NEMP1: variants seen among roughly 807,000 people sequenced by gnomAD.
The protein encoded by NEMP1 is transmembrane protein 194.
A neutral mutation model predicts 53.7 loss-of-function variants in NEMP1; 29 were observed. The ratio of observed to expected loss-of-function variants is 0.54; its 90% CI spans 0.40 to 0.74. The LOEUF is 0.74. Ranked by LOEUF, NEMP1 falls within the 30% of genes least tolerant of loss-of-function variation. The probability of loss-of-function intolerance (pLI) is 0.00; values close to 1 mark genes in which losing one functional copy is unlikely to be tolerated. For missense variants in NEMP1, 477 were observed against 528.6 expected (o/e 0.90, Z 0.96); for synonymous variants, 193 against 192.9 (o/e 1.00, Z 0.00).
At chr12:57,081,188 T>G (rs1479338310), upstream of NEMP1, among the ~76,000 whole-genome samples, 1 of 152,154 alleles carries the variant, frequency 6.6e-6, no homozygotes, top group East Asian at 1.9e-4. Context: ...TCCTACAAAA[T>G]ACCTGACCAG....
At chr12:57,083,066 T>C (rs956150424), upstream of NEMP1, among the ~76,000 whole-genome samples, 10 of 152,114 alleles carry the variant, frequency 6.6e-5, no homozygotes, top group African/African-American at 2.2e-4. Flanking sequence ...TGTATAGATA[T>C]GTATATGTAT....
intron 4 of NEMP1, 150 bp downstream of exon 4, chr12:57,069,084 A>G (rs2032227084): frequency 2.0e-6 from 1 of 495,348 alleles, no homozygotes; most frequent in Non-Finnish European, 3.6e-6. Flanking sequence ...ATCATAATAC[A>G]CATTAAAGTA....
rs2032302096 is a variant in NEMP1 at position 57,070,667 on chromosome 12, G to C, written c.472+7C>G. 3 of 1,550,232 alleles carry C rather than the reference G, an allele frequency of 1.9e-6. No individual in the cohort carries two copies. ...GAATCCATCAGAAAAACAGAGGTGA[G>C]ACTTACTCCGGATCACAATGACACT... is the stretch of plus-strand genomic sequence containing the variant. On this transcript the variant is annotated splice_region_variant and intron_variant, in intron 3 of 8. Coordinates refer to ENST00000300128, the MANE Select transcript of NEMP1 (RefSeq NM_001130963.2).
Position 57,059,894 on chromosome 12 carries a change from G to T in NEMP1, c.1320C>A (p.Asn440Lys), listed in dbSNP as rs1164309377. 1.2e-6 allele frequency: 2 copies of T among 1,613,450 alleles called. No individual in the cohort carries two copies. Among genetic ancestry groups the T allele is most frequent in the African/African-American group, 2.7e-5 (2 of 74,942 alleles). Residue 440 changes from asparagine to lysine, a missense_variant, in exon 9 of 9, where the codon AAC becomes AAA. By Grantham distance (94) the Asn-to-Lys change is moderately conservative (BLOSUM62 0). Transcript: ENST00000300128. ...SYSRCPAITQ[N>K]NFLT ...TGACCACTACCTAGGTTAGAAAGTT[G>T]TTCTGTGTGATAGCAGGACACCGAG...
intron 4 of NEMP1, among the ~76,000 whole-genome samples, chr12:57,066,257 A>C (rs1425009666): frequency 6.6e-6 from 1 of 152,198 alleles, no homozygotes; most frequent in Admixed American, 6.5e-5. Flanking sequence ...TCTGTCTCAA[A>C]AAAACAAACA....
intron 4 of NEMP1, among the ~76,000 whole-genome samples, chr12:57,068,634 C>T (rs1303520883): frequency 3.3e-5 from 5 of 152,062 alleles, no homozygotes; most frequent in Non-Finnish European, 7.4e-5. Context: ...GGCACGATCT[C>T]GGCTCACTGC....
chr12:57,065,092 A>G (rs564143577), intron 4 of NEMP1, among the ~76,000 whole-genome samples: 1 of 152,104 alleles, frequency 6.6e-6, no homozygotes, highest in Non-Finnish European at 1.5e-5. Flanking sequence ...GTGAGTCATC[A>G]TTTTTTTTGC....
rs1038506169 is a variant in NEMP1, at chr12:57,056,960, A to G, written c.*2919T>C. 1 of 152,216 alleles carries G rather than the reference A, an allele frequency of 6.6e-6. No individual in the cohort carries two copies. Among genetic ancestry groups the G allele is most frequent in the Non-Finnish European group, 1.5e-5 (1 of 68,040 alleles). 9.4% of individuals were successfully genotyped at this position (152,216 alleles called of 1,614,324 possible). On this transcript the variant is annotated 3_prime_UTR_variant, in exon 9 of 9. Transcript: ENST00000300128. ...AATCATGAATTTGAGGGGAAAAATA[A>G]ACTAGTTTTGGTGGGATGCAGTGGC... is the stretch of plus-strand genomic sequence containing the variant.
chr12:57,064,247 G>A (rs1199070147), intron 5 of NEMP1, 62 bp from the exon 6 acceptor site: 4 of 1,023,540 alleles, frequency 3.9e-6, no homozygotes, highest in Non-Finnish European at 5.7e-6. Flanking sequence ...CATAAAAGAA[G>A]CAAAATGGAA....
At chr12:57,083,061 A>G (rs1342968619), upstream of NEMP1, among the ~76,000 whole-genome samples, 1 of 152,118 alleles carries the variant, frequency 6.6e-6, no homozygotes, top group Non-Finnish European at 1.5e-5. Context: ...ATATATGTAT[A>G]GATATGTATA....
intron 1 of NEMP1, among the ~76,000 whole-genome samples, chr12:57,076,265 T>C (rs1263868320): frequency 6.6e-6 from 1 of 152,154 alleles, no homozygotes; most frequent in African/African-American, 2.4e-5. Context: ...GGCACGTGCC[T>C]GTAGTCCCAG....
At chr12:57,070,941 T>TA (rs1341650427) in intron 2 of NEMP1, 48 bp from the exon 3 acceptor site, 2 of 1,498,784 alleles carry the variant, frequency 1.3e-6, no homozygotes, top group Admixed American at 2.1e-5. Flanking sequence ...GTAGGAATTT[T>TA]AATTTTTCAC....
intron 4 of NEMP1, among the ~76,000 whole-genome samples, chr12:57,065,990 C>G (rs2032054841): frequency 6.6e-6 from 1 of 151,986 alleles, no homozygotes; most frequent in Admixed American, 6.6e-5. Context: ...CATGGTGGCT[C>G]AAGCCTGTAA....
At chr12:57,069,722 T>G (rs1250561611) in intron 3 of NEMP1, among the ~76,000 whole-genome samples, 1 of 151,776 alleles carries the variant, frequency 6.6e-6, no homozygotes, top group Non-Finnish European at 1.5e-5. Flanking sequence ...GTTCTCTAAC[T>G]GGCTGCTTTT....
intron 7 of NEMP1, 132 bp downstream of exon 7, chr12:57,062,987 C>A: frequency 8.2e-6 from 5 of 612,944 alleles, no homozygotes; most frequent in South Asian, 2.8e-5. Context: ...CGGGAAGGAA[C>A]AAAAGTGGAA....
At position 57,078,772 on chromosome 12, in the gene NEMP1, C is replaced by T; in HGVS notation, c.-27G>A. 3 of 1,598,448 alleles carry T rather than the reference C, an allele frequency of 1.9e-6. No individual in the cohort carries two copies. The highest frequency in any genetic ancestry group is 2.7e-5 in the African/African-American group (2 of 74,840). On this transcript the variant is annotated 5_prime_UTR_variant, in exon 1 of 9. It adds an upstream start codon to the 5' untranslated region. Coordinates refer to ENST00000300128, the MANE Select transcript of NEMP1 (RefSeq NM_001130963.2). ...GTTGCCTCAAGCCACCTCCTCCTCA[C>T]GTGCCTTACCCCAGCAACTAACTCC...
intron 1 of NEMP1, among the ~76,000 whole-genome samples, chr12:57,084,683 A>G (rs2032941328): frequency 6.6e-6 from 1 of 152,238 alleles, no homozygotes; most frequent in South Asian, 2.1e-4. Flanking sequence ...CCACAGGATG[A>G]AGTCCAACAT....
chr12:57,087,970 C>G (rs920558819), exon 1 of NEMP1: 1 of 152,176 alleles, frequency 6.6e-6, no homozygotes, highest in African/African-American at 2.4e-5. Flanking sequence ...CTAGGAGAAA[C>G]CAAAGGGGGA....
At chr12:57,068,226 CTT>C (rs1479638105) in intron 4 of NEMP1, among the ~76,000 whole-genome samples, 1 of 152,140 alleles carries the variant, frequency 6.6e-6, no homozygotes, top group Non-Finnish European at 1.5e-5. Context: ...TGTATACAAA[CTT>C]AATGTTGATT....
Sources: allele counts gnomAD v4.1 joint callset (sites outside exome capture counted in the v4.1 genomes callset), GRCh38; gene constraint gnomAD v4.1.1; transcripts MANE v1.5; gene names NCBI Gene and HGNC (gene_info 2026-07-23, HGNC 2026-07-21).